Variants in PDE1C observed in about 807,000 individuals in gnomAD.
The protein encoded by PDE1C is dual specificity calcium/calmodulin-dependent 3',5'-cyclic nucleotide phosphodiesterase 1C.
In PDE1C, 62 loss-of-function variants were observed where a neutral mutation model predicts 93.1. The ratio of observed to expected loss-of-function variants is 0.67; its 90% CI spans 0.54 to 0.82. The LOEUF (loss-of-function observed/expected upper bound fraction) is 0.82. Ranked by LOEUF, PDE1C falls within the 40% of genes least tolerant of loss-of-function variation. PDE1C has a pLI of 0.00. For synonymous variants in PDE1C, 325 were observed against 310.1 expected (o/e 1.05, Z -0.50); for missense variants, 742 against 884.6 (o/e 0.84, Z 2.04).
At chr7:31,856,830 C>T (rs992878997) in intron 7 of PDE1C, among the ~76,000 whole-genome samples, 2 of 152,050 alleles carry the variant, frequency 1.3e-5, no homozygotes, top group African/African-American at 4.8e-5. Context: ...ACACGGGCTG[C>T]GTGGCTTAAA....
chr7:32,188,261 GC>G (rs1804012398), intron 2 of PDE1C, among the ~76,000 whole-genome samples: 1 of 151,914 alleles, frequency 6.6e-6, no homozygotes, highest in Non-Finnish European at 1.5e-5. Context: ...AACACAGGGA[GC>G]CCTTTTAATC....
chr7:31,693,812 T>C, the PDE1C span, among the ~76,000 whole-genome samples: 4 of 152,078 alleles, frequency 2.6e-5, no homozygotes, highest in Non-Finnish European at 5.9e-5. Context: ...ACTTTTTAAA[T>C]AAGAAAGAGA....
intron 3 of PDE1C, among the ~76,000 whole-genome samples, chr7:32,094,636 C>T (rs1797653166): frequency 6.6e-6 from 1 of 152,182 alleles, no homozygotes; most frequent in Non-Finnish European, 1.5e-5. Flanking sequence ...ATCATTATTT[C>T]TTTACTCGTT....
intron 1 of PDE1C, among the ~76,000 whole-genome samples, chr7:32,373,291 G>A (rs1339766416): frequency 6.6e-6 from 1 of 152,206 alleles, no homozygotes; most frequent in South Asian, 2.1e-4. Flanking sequence ...AAAAGGAATG[G>A]AGTACTGACT....
At chr7:31,945,764 A>G (rs1222880497) in intron 2 of PDE1C, among the ~76,000 whole-genome samples, 1 of 151,758 alleles carries the variant, frequency 6.6e-6, no homozygotes, top group Non-Finnish European at 1.5e-5. Flanking sequence ...TATTTCTTCT[A>G]CTCCATTCTC....
At chr7:31,660,599 C>G in the PDE1C span, among the ~76,000 whole-genome samples, 3 of 151,962 alleles carry the variant, frequency 2.0e-5, no homozygotes, top group African/African-American at 7.2e-5. Context: ...GGCTACCGTA[C>G]ATAAAAGGAG....
At chr7:32,414,076 G>A (rs1360148436) in intron 1 of PDE1C, among the ~76,000 whole-genome samples, 3 of 151,890 alleles carry the variant, frequency 2.0e-5, no homozygotes, top group Non-Finnish European at 2.9e-5. Context: ...AGCCAGGCGT[G>A]GTGGTGTGTG....
chr7:32,350,089 G>A (rs544137598), intron 1 of PDE1C, among the ~76,000 whole-genome samples: 11 of 148,458 alleles, frequency 7.4e-5, no homozygotes, highest in African/African-American at 2.7e-4. Flanking sequence ...TGTTGTTGTT[G>A]TTGTTCTTCT....
At chr7:31,888,107 G>A (rs55844079) in intron 2 of PDE1C, among the ~76,000 whole-genome samples, 1,846 of 151,900 alleles carry the variant, frequency 0.012, 36 homozygotes, top group African/African-American at 0.042. Context: ...AAAATTAGCC[G>A]AGTGTGGTGG....
chr7:32,065,767 A>G (rs1795329764), intron 1 of PDE1C, among the ~76,000 whole-genome samples: 1 of 152,260 alleles, frequency 6.6e-6, no homozygotes, highest in African/African-American at 2.4e-5. Flanking sequence ...TTTGTTGCCT[A>G]TGGCTTTTCT....
upstream of PDE1C, among the ~76,000 whole-genome samples, chr7:32,072,932 T>C (rs1796145114): frequency 6.6e-6 from 1 of 152,252 alleles, no homozygotes; most frequent in Admixed American, 6.5e-5. Flanking sequence ...TTTTCAGCTT[T>C]ATGATTCATT....
At chr7:32,065,874 C>T (rs1795339731) in intron 1 of PDE1C, among the ~76,000 whole-genome samples, 1 of 152,164 alleles carries the variant, frequency 6.6e-6, no homozygotes, top group Non-Finnish European at 1.5e-5. Context: ...AAATTCAAAA[C>T]ATCCTAAGCA....
intron 3 of PDE1C, among the ~76,000 whole-genome samples, chr7:32,111,816 A>G (rs1798658713): frequency 6.6e-6 from 1 of 152,210 alleles, no homozygotes; most frequent in African/African-American, 2.4e-5. Flanking sequence ...AAAGAGAAGA[A>G]GGGTAGACAA....
intron 1 of PDE1C, among the ~76,000 whole-genome samples, chr7:32,385,314 T>C (rs1048547402): frequency 6.6e-6 from 1 of 152,212 alleles, no homozygotes; most frequent in Non-Finnish European, 1.5e-5. Context: ...TAGAGACATA[T>C]CTGGGAGCCT....
At chr7:32,332,950 G>A (rs950141245) in intron 1 of PDE1C, among the ~76,000 whole-genome samples, 4 of 152,058 alleles carry the variant, frequency 2.6e-5, no homozygotes, top group Non-Finnish European at 5.9e-5. Context: ...TCTTAATCTG[G>A]CCAGTGGCTC....
intron 2 of PDE1C, among the ~76,000 whole-genome samples, chr7:32,185,312 T>G (rs1032070054): frequency 3.3e-5 from 5 of 151,820 alleles, no homozygotes; most frequent in African/African-American, 1.2e-4. Flanking sequence ...ATAGGTTCTA[T>G]TTGGTCACGT....
intron 1 of PDE1C, among the ~76,000 whole-genome samples, chr7:32,233,132 A>G (rs1807825140): frequency 6.6e-6 from 1 of 152,158 alleles, no homozygotes; most frequent in Non-Finnish European, 1.5e-5. Context: ...TTATGAAAAT[A>G]CTCCAAAAAA....
chr7:31,630,331 C>T, the PDE1C span, among the ~76,000 whole-genome samples: 1 of 149,048 alleles, frequency 6.7e-6, no homozygotes, highest in African/African-American at 2.5e-5. Context: ...AAGTGTTTTA[C>T]ATTATCTCCT....
intron 1 of PDE1C, among the ~76,000 whole-genome samples, chr7:32,283,303 A>C (rs1461996016): frequency 6.6e-6 from 1 of 152,242 alleles, no homozygotes; most frequent in Admixed American, 6.5e-5. Context: ...ATATTTGAAA[A>C]AATAGTAATA....
Sources: gnomAD v4.1 joint callset for allele counts (sites outside exome capture counted in the v4.1 genomes callset) on GRCh38, gnomAD v4.1.1 for gene constraint, MANE v1.5 for transcripts, NCBI Gene and HGNC (gene_info 2026-07-23, HGNC 2026-07-21) for gene names.